VCPIP1: variants seen among roughly 807,000 people sequenced by gnomAD.
VCPIP1 encodes deubiquitinating protein VCPIP1.
VCPIP1 carries 8 observed loss-of-function variants against 85.0 expected under a neutral mutation model. The observed-to-expected ratio is 0.09, with a 90% CI of 0.06 to 0.17. The LOEUF (loss-of-function observed/expected upper bound fraction) is 0.17. Among genes scored for constraint, VCPIP1 ranks in the 10% least tolerant of loss-of-function variants. The probability of loss-of-function intolerance (pLI) is 1.00; values close to 1 mark genes in which losing one functional copy is unlikely to be tolerated. For missense variants in VCPIP1, 1,070 were observed against 1,486.3 expected, an observed-to-expected ratio of 0.72 and a Z score of 4.61; for synonymous variants, 543 against 544.5, an observed-to-expected ratio of 1.00 and a Z score of 0.04.
chr8:66,658,145 C>T (rs1811117925), intron 1 of VCPIP1, among the ~76,000 whole-genome samples: 2 of 151,914 alleles, frequency 1.3e-5, no homozygotes, highest in South Asian at 4.2e-4. Context: ...ACCAGCCCAG[C>T]CAACATGGTG....
At position 66,633,968 on chromosome 8, in the gene VCPIP1, CTA is replaced by C. The variant is rs2130140958; in HGVS notation, c.*531_*532del. 1 of 152,328 alleles carries C rather than the reference CTA, an allele frequency of 6.6e-6. No individual in the cohort carries two copies. The highest frequency in any genetic ancestry group is 2.4e-5 in the African/African-American group (1 of 41,558). The allele number at this position is 152,328 out of a possible 1,614,324, so 9.4% of individuals were successfully genotyped here. A position where few individuals can be genotyped will look rare whatever the true frequency, so the allele number is the denominator to read the frequency against. ...TCAAGATATTTTCGCCAAGAAATCT[CTA>C]TGAATGTGTTTACGTTCATAGAAAC... On this transcript the variant is annotated 3_prime_UTR_variant, in exon 3 of 3. Coordinates refer to ENST00000310421, the MANE Select transcript of VCPIP1 (RefSeq NM_025054.5).
At chr8:66,663,062 G>A (rs1036775767) in intron 1 of VCPIP1, among the ~76,000 whole-genome samples, 4 of 144,582 alleles carry the variant, frequency 2.8e-5, no homozygotes, top group Admixed American at 7.1e-5. Context: ...CCGAGATGGC[G>A]CCACTGCACT....
At chr8:66,656,963 T>C (rs968168393) in intron 1 of VCPIP1, among the ~76,000 whole-genome samples, 1 of 152,146 alleles carries the variant, frequency 6.6e-6, no homozygotes, top group Non-Finnish European at 1.5e-5. Flanking sequence ...TGAAGTGCAG[T>C]GGCGCAATCT....
rs1810841253 is a variant in VCPIP1, at chr8:66,632,224, T to TA, written c.*2276dup. The TA allele has an allele frequency of 6.6e-6, 1 of 152,052 alleles. No homozygotes were observed. The highest frequency in any genetic ancestry group is 6.6e-5 in the Admixed American group (1 of 15,260). 9.4% of individuals were successfully genotyped at this position (152,052 alleles called of 1,614,324 possible). A position where few individuals can be genotyped will look rare whatever the true frequency, so the allele number is the denominator to read the frequency against. ...AGACAAAGGATGATATTTAAAAACT[T>TA]AAAAGAAACCCTATTCTAAAACTTC... On this transcript the variant is annotated 3_prime_UTR_variant, in exon 3 of 3. Transcript: ENST00000310421.
At chr8:66,645,008 A>G (rs919002453) in intron 2 of VCPIP1, among the ~76,000 whole-genome samples, 2 of 150,838 alleles carry the variant, frequency 1.3e-5, no homozygotes, top group Non-Finnish European at 2.9e-5. Context: ...CTGAGGCTGG[A>G]GAATCGCTTG....
intron 2 of VCPIP1, among the ~76,000 whole-genome samples, chr8:66,650,352 T>A (rs1486295873): frequency 6.6e-6 from 1 of 152,054 alleles, no homozygotes; most frequent in African/African-American, 2.4e-5. Flanking sequence ...GAGGAAGAGA[T>A]GAAAACAACA....
At position 66,628,982 on chromosome 8, in the gene VCPIP1, C is replaced by A. The variant is rs370908411; in HGVS notation, c.*5519G>T. 6.6e-6 allele frequency: 1 copy of A among 152,162 alleles called. No homozygotes were observed. Among genetic ancestry groups the A allele is most frequent in the Non-Finnish European group, 1.5e-5 (1 of 68,026 alleles). 9.4% of individuals were successfully genotyped at this position (152,162 alleles called of 1,614,324 possible). On this transcript the variant is annotated 3_prime_UTR_variant, in exon 3 of 3. Transcript: ENST00000310421. Reference sequence around the variant, plus strand: ...TGGTCATAAATGTTTGAATGTACAACCCCCCATTTTTTAGTCAATTATGTA... The same window carrying A: ...TGGTCATAAATGTTTGAATGTACAAACCCCCATTTTTTAGTCAATTATGTA...
intron 1 of VCPIP1, among the ~76,000 whole-genome samples, chr8:66,659,693 A>G (rs971238410): frequency 6.6e-6 from 1 of 152,144 alleles, no homozygotes; most frequent in Admixed American, 6.6e-5. Flanking sequence ...GCACTTTGGG[A>G]AGCCGAGGCG....
chr8:66,662,183 T>C (rs563435010), intron 1 of VCPIP1, among the ~76,000 whole-genome samples: 1 of 152,158 alleles, frequency 6.6e-6, no homozygotes, highest in South Asian at 2.1e-4. Context: ...CACCTGTACA[T>C]CAAAACTTGT....
At position 66,660,541 on chromosome 8, in the gene VCPIP1, T is replaced by C. The variant is rs193027964; in HGVS notation, c.2710+3708A>G. On this transcript the variant is annotated intron_variant, in intron 1 of 2. Coordinates refer to ENST00000310421, the MANE Select transcript of VCPIP1 (RefSeq NM_025054.5). ...TTGAACAGCATAAAGTCTGATGAGC[T>C]ATATTCTAAACTAACATAACACAGC... Among the ~76,000 whole-genome samples, 54 of 152,338 alleles carry C rather than the reference T, an allele frequency of 3.5e-4. No homozygotes were observed. The East Asian group carries it at 4.2e-3, about 12-fold the overall frequency.
In VCPIP1 at chr8:66,632,629, T is replaced by C. The variant is rs1810845624; in HGVS notation, c.*1872A>G. ...TTAAAGAAGATTATATCATTTTACA[T>C]GAAAGCAGTGCATTTTTTGCTTAAA... On this transcript the variant is annotated 3_prime_UTR_variant, in exon 3 of 3. Coordinates refer to ENST00000310421, the MANE Select transcript of VCPIP1 (RefSeq NM_025054.5). The C allele has an allele frequency of 6.6e-6, 1 of 152,140 alleles. No homozygotes were observed. The highest frequency in any genetic ancestry group is 1.5e-5 in the Non-Finnish European group (1 of 67,944). The allele number at this position is 152,140 out of a possible 1,614,324, so 9.4% of individuals were successfully genotyped here. A position where few individuals can be genotyped will look rare whatever the true frequency, so the allele number is the denominator to read the frequency against.
intron 1 of VCPIP1, among the ~76,000 whole-genome samples, chr8:66,663,955 G>A (rs115429744): frequency 0.02 from 3,036 of 152,150 alleles, 96 homozygotes; most frequent in African/African-American, 0.068. Context: ...AATTTAAAAC[G>A]CTTTAAATAA....
Position 66,666,928 on chromosome 8 carries a change from A to ACGGCGG in VCPIP1, c.30_31insCCGCCG (p.Pro9_Pro10dup), listed in dbSNP as rs1323196660. 6.3e-7 allele frequency: 1 copy of ACGGCGG among 1,583,312 alleles called. No homozygotes were observed. The highest frequency in any genetic ancestry group is 1.4e-5 in the African/African-American group (1 of 72,710). ...TCAGGGGGAGGAGGTGGCGGCGGCA[A>ACGGCGG]CGGAGGCGGCGGCGGCGGCGGCTGA... On this transcript the variant is annotated inframe_insertion, in exon 1 of 3. Transcript: ENST00000310421. The surrounding 1 kb of genome is among the most constrained non-coding windows in gnomAD (Gnocchi z 6.3).
Position 66,635,120 on chromosome 8 carries a change from T to C in VCPIP1, c.3050A>G (p.Glu1017Gly). The change falls in exon 3 of 3, where the codon GAG becomes GGG. Residue 1017 changes from glutamate to glycine, a missense_variant. By Grantham distance (98) the Glu-to-Gly change is moderately conservative. Coordinates refer to ENST00000310421, the MANE Select transcript of VCPIP1 (RefSeq NM_025054.5). ...AAAGGCAGTTACGTTATGAAGTTGCTCAGATTTCTTTTTCACTACTCCACC... is the reference window on the plus strand; with the variant it reads ...AAAGGCAGTTACGTTATGAAGTTGCCCAGATTTCTTTTTCACTACTCCACC... The part of the protein sequence containing the change: ...GSGGVVKKKS[E>G]QLHNVTAFQG... The C allele has an allele frequency of 6.2e-7, 1 of 1,614,162 alleles. No homozygotes were observed.
In VCPIP1 at chr8:66,665,290, A is replaced by G. The variant is rs1006608563; in HGVS notation, c.1669T>C (p.Tyr557His). The change falls in exon 1 of 3, where the codon TAT (tyrosine) becomes CAT (histidine). Residue 557 changes from tyrosine to histidine, a missense_variant. Coordinates refer to ENST00000310421, the MANE Select transcript of VCPIP1 (RefSeq NM_025054.5). The surrounding 1 kb of genome is among the most constrained non-coding windows in gnomAD (Gnocchi z 4.3). ...RKVRGDGSIVYLDGDRTNSRS... is the reference protein window; with the variant it reads ...RKVRGDGSIVHLDGDRTNSRS... The stretch of plus-strand genomic sequence containing the variant: ...GAATTAGTTCTGTCTCCATCCAAAT[A>G]CACAATAGACCCATCTCCTCTGACC... 43 of 1,614,066 alleles carry G rather than the reference A, an allele frequency of 2.7e-5. No individual in the cohort carries two copies. The highest frequency in any genetic ancestry group is 3.6e-5 in the Non-Finnish European group (43 of 1,180,034).
At position 66,654,244 on chromosome 8, in the gene VCPIP1, G is replaced by A. The variant is rs139117059; in HGVS notation, c.2711-2700C>T. On this transcript the variant is annotated intron_variant, in intron 1 of 2. Transcript: ENST00000310421. ...TAATCCCAACACTTTGGGAGGCCGA[G>A]GCAGGCAGATTACCTGACGTCAGGA... Among the ~76,000 whole-genome samples the A allele has an allele frequency of 7.9e-3, 1,211 of 152,368 alleles. 13 individuals carry two copies. The highest frequency in any genetic ancestry group is 0.025 in the African/African-American group (1,052 of 41,590).
intron 2 of VCPIP1, among the ~76,000 whole-genome samples, chr8:66,648,521 T>TATCTA (rs1274343783): frequency 1.4e-5 from 2 of 140,394 alleles, no homozygotes; most frequent in African/African-American, 5.3e-5. Context: ...ATCATCTATG[T>TATCTA]ATCTAATCTA....
chr8:66,646,534 G>A (rs918775074), intron 2 of VCPIP1, among the ~76,000 whole-genome samples: 1 of 152,092 alleles, frequency 6.6e-6, no homozygotes, highest in African/African-American at 2.4e-5. Flanking sequence ...GGTGGTTCAC[G>A]CCTGTAATCC....
rs1811199352 is a variant in VCPIP1 at position 66,665,553 on chromosome 8, C to T, written c.1406G>A (p.Cys469Tyr). ...KAVMDNRLHK[C>Y]LLCGALSELH... ...TTCAGAAAGGGCACCACAGAGCAAA[C>T]ATTTGTGAAGGCGATTATCCATTAC... is the stretch of plus-strand genomic sequence containing the variant. Residue 469 changes from cysteine (C) to tyrosine (Y), a missense_variant, in exon 1 of 3, where the codon TGT becomes TAT. By Grantham distance (194) the Cys-to-Tyr change is radical. Coordinates refer to ENST00000310421, the MANE Select transcript of VCPIP1 (RefSeq NM_025054.5). The surrounding 1 kb of genome is among the most constrained non-coding windows in gnomAD (Gnocchi z 4.3). The T allele has an allele frequency of 6.2e-7, 1 of 1,614,058 alleles. No individual in the cohort carries two copies. Among genetic ancestry groups the T allele is most frequent in the Admixed American group, 1.7e-5 (1 of 59,992 alleles).
Sources: allele counts gnomAD v4.1 joint callset (sites outside exome capture counted in the v4.1 genomes callset), GRCh38; gene constraint gnomAD v4.1.1; non-coding constraint Gnocchi (gnomAD v3.1); transcripts MANE v1.5; gene names NCBI Gene and HGNC (gene_info 2026-07-23, HGNC 2026-07-21).